The following SPTBN1 variants were observed in gnomAD, a reference collection of about 807,000 sequenced individuals.
SPTBN1 encodes the protein spectrin beta, non-erythrocytic 1.
Under a neutral mutation model 266.4 loss-of-function variants are expected in SPTBN1, and 32 were observed. That is an observed-to-expected ratio of 0.12 (90% CI 0.09 to 0.16). SPTBN1 has a LOEUF of 0.16. Ranked by LOEUF, SPTBN1 falls within the 10% of genes least tolerant of loss-of-function variation. SPTBN1 has a pLI of 1.00. For missense variants in SPTBN1, 2,296 were observed against 3,067.1 expected (o/e 0.75, Z 5.94); for synonymous variants, 1,336 against 1,162.2 (o/e 1.15, Z -3.04).
intron 1 of SPTBN1, among the ~76,000 whole-genome samples, chr2:54,491,973 G>C (rs139982482): frequency 1.4e-3 from 212 of 152,202 alleles, no homozygotes; most frequent in Admixed American, 4.6e-3. Flanking sequence ...AGGCAGCATG[G>C]CTGGTAAACA....
chr2:54,664,778 ATG>A lies in SPTBN1; in HGVS notation c.6659+90_6659+91del. On this transcript the variant is annotated intron_variant, in intron 33 of 35. Coordinates refer to ENST00000356805, the MANE Select transcript of SPTBN1 (RefSeq NM_003128.3). This position sits in a 1 kb window ranked among gnomAD's most constrained non-coding sequence, Gnocchi z 5.6. The stretch of plus-strand genomic sequence containing the variant: ...GCCACTCTTGAATTGGAAGAGAAGT[ATG>A]TGCTCATGTAGTTTTATTCCTTTGG... 1 of 1,323,722 alleles carries A rather than the reference ATG, an allele frequency of 7.6e-7. No individual in the cohort carries two copies. The highest frequency in any genetic ancestry group is 1.3e-5 in the South Asian group (1 of 75,520). 82.0% of individuals were successfully genotyped at this position (1,323,722 alleles called of 1,614,324 possible). A position where few individuals can be genotyped will look rare whatever the true frequency, so the allele number is the denominator to read the frequency against.
At chr2:54,599,299 A>G in intron 3 of SPTBN1, 56 bp downstream of exon 3, 1 of 1,591,608 alleles carries the variant, frequency 6.3e-7, no homozygotes, top group Non-Finnish European at 8.6e-7. Flanking sequence ...ATTTTTGAAA[A>G]ATCAAGTGTG....
rs1235798220 is a variant in SPTBN1, at chr2:54,664,191, T to C, written c.6421-262T>C. 2.6e-6 allele frequency: 1 copy of C among 384,336 alleles called. No homozygotes were observed. Among genetic ancestry groups the C allele is most frequent in the Non-Finnish European group, 4.7e-6 (1 of 214,386 alleles). The allele number at this position is 384,336 out of a possible 1,614,324, so 23.8% of individuals were successfully genotyped here. On this transcript the variant is annotated intron_variant, in intron 32 of 35. Transcript: ENST00000356805. This position sits in a 1 kb window ranked among gnomAD's most constrained non-coding sequence, Gnocchi z 5.6. ...AGGAGATGATCTGAGTTATATTTAT[T>C]GATCAGAGGAATAGAGTGCAGTAAA...
intron 2 of SPTBN1, among the ~76,000 whole-genome samples, chr2:54,582,804 G>A (rs919668826): frequency 6.6e-6 from 1 of 152,174 alleles, no homozygotes; most frequent in Admixed American, 6.5e-5. Context: ...GTAGAGTGGT[G>A]GGGGCTATCA....
chr2:54,541,270 G>T (rs151161020), intron 2 of SPTBN1, among the ~76,000 whole-genome samples: 262 of 152,318 alleles, frequency 1.7e-3, no homozygotes, highest in Non-Finnish European at 2.7e-3. Context: ...GAGGATTTGT[G>T]TGTGCTTCCA....
intron 34 of SPTBN1, 75 bp downstream of exon 34, chr2:54,666,163 A>G: frequency 7.6e-6 from 11 of 1,443,492 alleles, no homozygotes; most frequent in Non-Finnish European, 1.0e-5. Flanking sequence ...GTTTTCTTAT[A>G]CAGCTGCTGT....
intron 1 of SPTBN1, among the ~76,000 whole-genome samples, chr2:54,520,010 T>C (rs1445383142): frequency 6.6e-6 from 1 of 151,994 alleles, no homozygotes; most frequent in Non-Finnish European, 1.5e-5. Context: ...CAGGCGGAGT[T>C]AGTGATTGTT....
intron 3 of SPTBN1, among the ~76,000 whole-genome samples, chr2:54,603,207 G>A (rs1181336470): frequency 6.6e-6 from 1 of 152,100 alleles, no homozygotes; most frequent in Non-Finnish European, 1.5e-5. Flanking sequence ...CAGGAGAAGA[G>A]CTTCACAGGC....
At chr2:54,625,004 A>G (rs1479836100) in intron 11 of SPTBN1, 42 bp downstream of exon 11, 4 of 1,532,318 alleles carry the variant, frequency 2.6e-6, no homozygotes, top group South Asian at 1.3e-5. Flanking sequence ...TGCTAGGGTA[A>G]TCTAGAAACA....
chr2:54,610,751 T>C (rs1231147427), intron 3 of SPTBN1, among the ~76,000 whole-genome samples: 1 of 152,242 alleles, frequency 6.6e-6, no homozygotes, highest in Non-Finnish European at 1.5e-5. Context: ...ATCCTTTTCT[T>C]GTAATGTCAT....
intron 2 of SPTBN1, among the ~76,000 whole-genome samples, chr2:54,568,795 T>C (rs1443191078): frequency 6.6e-6 from 1 of 152,234 alleles, no homozygotes; most frequent in East Asian, 1.9e-4. Flanking sequence ...AAGTAGAAAT[T>C]TATGAGTCCA....
chr2:54,634,635 A>C (rs1052005902), intron 17 of SPTBN1, among the ~76,000 whole-genome samples: 2 of 152,224 alleles, frequency 1.3e-5, no homozygotes, highest in African/African-American at 4.8e-5. Context: ...CACATCTGTG[A>C]GTTCCAGGTG....
chr2:54,584,785 T>C (rs1005548618), intron 2 of SPTBN1, among the ~76,000 whole-genome samples: 1 of 152,198 alleles, frequency 6.6e-6, no homozygotes, highest in East Asian at 1.9e-4. Flanking sequence ...TCAAGGTAGC[T>C]GAACAATAAG....
chr2:54,473,196 C>T (rs1694012568), intron 1 of SPTBN1, among the ~76,000 whole-genome samples: 1 of 152,086 alleles, frequency 6.6e-6, no homozygotes. Flanking sequence ...ATGTAAGTGC[C>T]TTATACAGAG....
chr2:54,655,342 C>T (rs770393048), intron 28 of SPTBN1, 134 bp downstream of exon 28: 35 of 1,223,560 alleles, frequency 2.9e-5, no homozygotes, highest in Non-Finnish European at 3.6e-5. Flanking sequence ...AAACTCCTTT[C>T]CTGTGCGTCT....
At chr2:54,528,438 C>T (rs1018937891) in intron 2 of SPTBN1, 1 of 152,620 alleles carries the variant, frequency 6.6e-6, no homozygotes, top group Non-Finnish European at 1.5e-5. Flanking sequence ...TTACCTAGGT[C>T]CCTCAGTAAC....
chr2:54,661,028 T>C lies in SPTBN1; in HGVS notation c.6420+1029T>C, dbSNP rs1038823985. ...CTTGAACGTTGCACTTGGTGGACCG[T>C]GCCTGGGAGCGCTCGCATGCCCCCT... On this transcript the variant is annotated intron_variant, in intron 32 of 35. Transcript: ENST00000356805. The C allele has an allele frequency of 1.9e-5, 19 of 985,454 alleles. No homozygotes were observed. The African/African-American group carries it at 2.8e-4, about 14-fold the overall frequency. 61.0% of individuals were successfully genotyped at this position (985,454 alleles called of 1,614,324 possible).
chr2:54,664,819 A>C lies in SPTBN1; in HGVS notation c.6659+128A>C. ...TTATTCCTTTGGTAGCTTCCTGGAC[A>C]TTGCATTCTTCTTGGGCTGACGCTG... On this transcript the variant is annotated intron_variant, in intron 33 of 35. Transcript: ENST00000356805. This position sits in a 1 kb window ranked among gnomAD's most constrained non-coding sequence, Gnocchi z 5.6. 3 of 941,450 alleles carry C rather than the reference A, an allele frequency of 3.2e-6. No individual in the cohort carries two copies. The highest frequency in any genetic ancestry group is 4.7e-6 in the Non-Finnish European group (3 of 640,380). 58.3% of individuals were successfully genotyped at this position (941,450 alleles called of 1,614,324 possible).
Position 54,533,904 on chromosome 2 carries a change from A to T in SPTBN1, c.148+7338A>T, listed in dbSNP as rs774330555. Among the ~76,000 whole-genome samples, 322 of 14,920 alleles carry T rather than the reference A, an allele frequency of 0.022. 1 individual carries two copies. The highest frequency in any genetic ancestry group is 0.055 in the African/African-American group (193 of 3,538). The allele number at this position is 14,920 out of a possible 152,430, so 9.8% of individuals were successfully genotyped here. A position where few individuals can be genotyped will look rare whatever the true frequency, so the allele number is the denominator to read the frequency against. On this transcript the variant is annotated intron_variant, in intron 2 of 35. Coordinates refer to ENST00000356805, the MANE Select transcript of SPTBN1 (RefSeq NM_003128.3). This position sits in a 1 kb window ranked among gnomAD's most constrained non-coding sequence, Gnocchi z 4.2. Reference sequence around the variant, plus strand: ...ATCTCTCTCTCTGTCTCTCTCTCACACACACACACACACACACACACACGC... The same window carrying T: ...ATCTCTCTCTCTGTCTCTCTCTCACTCACACACACACACACACACACACGC...
Sources: gnomAD v4.1 joint callset for allele counts (sites outside exome capture counted in the v4.1 genomes callset) on GRCh38, gnomAD v4.1.1 for gene constraint, Gnocchi (gnomAD v3.1) non-coding constraint, MANE v1.5 for transcripts, NCBI Gene and HGNC (gene_info 2026-07-23, HGNC 2026-07-21) for gene names.